Variants in UNC5C observed in about 807,000 individuals in gnomAD.
UNC5C encodes the protein unc-5 netrin receptor C.
Under a neutral mutation model 99.8 loss-of-function variants are expected in UNC5C, and 47 were observed. That is an observed-to-expected ratio of 0.47 (90% CI 0.37 to 0.60). UNC5C has a LOEUF of 0.60. Among genes scored for constraint, UNC5C ranks in the 20% least tolerant of loss-of-function variants. The pLI, the probability that UNC5C is intolerant of heterozygous loss-of-function variation, is 0.00. For missense variants in UNC5C, 1,062 were observed against 1,165.9 expected, an observed-to-expected ratio of 0.91 and a Z score of 1.30; for synonymous variants, 487 against 452.2, an observed-to-expected ratio of 1.08 and a Z score of -0.98.
At chr4:95,448,262 G>C (rs1007277007) in intron 1 of UNC5C, among the ~76,000 whole-genome samples, 15 of 145,760 alleles carry the variant, frequency 1.0e-4, no homozygotes, top group Non-Finnish European at 2.0e-4. Context: ...GAGAGAGAGA[G>C]AAAGCCTGAT....
At chr4:95,315,564 T>C (rs1343042217) in intron 2 of UNC5C, among the ~76,000 whole-genome samples, 1 of 152,220 alleles carries the variant, frequency 6.6e-6, no homozygotes, top group Non-Finnish European at 1.5e-5. Flanking sequence ...GTTTTGTTCT[T>C]CTTCCTTTAT....
chr4:95,544,720 A>G (rs1723013299), intron 1 of UNC5C, among the ~76,000 whole-genome samples: 1 of 152,212 alleles, frequency 6.6e-6, no homozygotes, highest in Admixed American at 6.5e-5. Context: ...ATTTGTGAGG[A>G]AATGTGAACA....
chr4:95,332,355 A>G (rs1743147991), intron 2 of UNC5C, among the ~76,000 whole-genome samples: 1 of 149,770 alleles, frequency 6.7e-6, no homozygotes, highest in Admixed American at 6.7e-5. Flanking sequence ...ACAGCATGGT[A>G]CTGGTACCAA....
intron 1 of UNC5C, among the ~76,000 whole-genome samples, chr4:95,480,856 T>C (rs1721128277): frequency 6.6e-6 from 1 of 151,768 alleles, no homozygotes; most frequent in Non-Finnish European, 1.5e-5. Context: ...ATGGGACGTA[T>C]CTCAAAATAA....
intron 13 of UNC5C, among the ~76,000 whole-genome samples, chr4:95,184,610 C>G (rs1442213430): frequency 6.6e-6 from 1 of 152,150 alleles, no homozygotes; most frequent in Non-Finnish European, 1.5e-5. Flanking sequence ...CTTTTACATG[C>G]TATTTCAGTT....
At chr4:95,197,688 G>A (rs1737486509) in intron 12 of UNC5C, among the ~76,000 whole-genome samples, 1 of 152,110 alleles carries the variant, frequency 6.6e-6, no homozygotes, top group Admixed American at 6.5e-5. Context: ...GTCAAGAAGA[G>A]CTAAATAAAA....
At chr4:95,285,342 A>G (rs1344526826) in intron 3 of UNC5C, among the ~76,000 whole-genome samples, 1 of 152,202 alleles carries the variant, frequency 6.6e-6, no homozygotes, top group Non-Finnish European at 1.5e-5. Flanking sequence ...AATTCCACAG[A>G]ATGATAAGAC....
rs867249983 is a variant in UNC5C at position 95,292,248 on chromosome 4, T to C, written c.490+9358A>G. Among the ~76,000 whole-genome samples the C allele has an allele frequency of 1.2e-3, 155 of 127,658 alleles. 1 individual carries two copies. Among genetic ancestry groups the C allele is most frequent in the African/African-American group, 4.9e-3 (127 of 25,954 alleles). The allele number at this position is 127,658 out of a possible 152,430, so 83.7% of individuals were successfully genotyped here. A position where few individuals can be genotyped will look rare whatever the true frequency, so the allele number is the denominator to read the frequency against. On this transcript the variant is annotated intron_variant, in intron 3 of 15. Coordinates refer to ENST00000453304, the MANE Select transcript of UNC5C (RefSeq NM_003728.4). ...ACACACACACACACATATATATATA[T>C]ATATATATATATATATATAAATTTT... is the stretch of plus-strand genomic sequence containing the variant.
intron 1 of UNC5C, among the ~76,000 whole-genome samples, chr4:95,442,260 T>C (rs2149463896): frequency 6.6e-6 from 1 of 152,010 alleles, no homozygotes; most frequent in African/African-American, 2.4e-5. Flanking sequence ...TGGAGTGCAG[T>C]GGTGTGATCA....
chr4:95,357,874 A>G (rs999753317), intron 1 of UNC5C, among the ~76,000 whole-genome samples: 2 of 143,292 alleles, frequency 1.4e-5, no homozygotes, highest in African/African-American at 5.5e-5. Context: ...ACAGTAAAGA[A>G]TGAATGTGTG....
chr4:95,490,115 A>C (rs1721439862), intron 1 of UNC5C, among the ~76,000 whole-genome samples: 1 of 151,592 alleles, frequency 6.6e-6, no homozygotes, highest in Admixed American at 6.6e-5. Context: ...GAAAGGAGAA[A>C]GAGACGGACA....
intron 12 of UNC5C, among the ~76,000 whole-genome samples, chr4:95,201,602 G>T (rs1737659297): frequency 6.6e-6 from 1 of 151,400 alleles, no homozygotes; most frequent in African/African-American, 2.4e-5. Context: ...TGCCTGCAGA[G>T]AGTCTTCTTT....
At chr4:95,190,479 T>TA (rs1560722433) in intron 12 of UNC5C, among the ~76,000 whole-genome samples, 1 of 151,264 alleles carries the variant, frequency 6.6e-6, no homozygotes, top group Non-Finnish European at 1.5e-5. Flanking sequence ...CCCGAGAACT[T>TA]AAAGTAGAAT....
intron 3 of UNC5C, among the ~76,000 whole-genome samples, chr4:95,284,118 T>A (rs1741152021): frequency 1.3e-5 from 2 of 151,878 alleles, no homozygotes; most frequent in South Asian, 4.1e-4. Flanking sequence ...TTTGATGCTT[T>A]CAGTGATTTT....
At chr4:95,459,502 A>G (rs1432186016) in intron 1 of UNC5C, among the ~76,000 whole-genome samples, 1 of 152,186 alleles carries the variant, frequency 6.6e-6, no homozygotes. Context: ...CATGTAATTG[A>G]CTGAGACTAT....
chr4:95,513,263 C>A (rs1200376641), intron 1 of UNC5C, among the ~76,000 whole-genome samples: 1 of 152,166 alleles, frequency 6.6e-6, no homozygotes, highest in Non-Finnish European at 1.5e-5. Flanking sequence ...TCTTTGTAAT[C>A]TATTTACATC....
intron 1 of UNC5C, among the ~76,000 whole-genome samples, chr4:95,381,161 GA>G (rs1212755332): frequency 6.6e-6 from 1 of 152,034 alleles, no homozygotes; most frequent in African/African-American, 2.4e-5. Context: ...CATCAAACAA[GA>G]AAAAAATTTC....
At chr4:95,481,682 C>A (rs557424961) in intron 1 of UNC5C, among the ~76,000 whole-genome samples, 2 of 152,060 alleles carry the variant, frequency 1.3e-5, no homozygotes, top group Non-Finnish European at 2.9e-5. Flanking sequence ...TGGAACAGAA[C>A]AGAGCCCTCA....
At chr4:95,178,744 T>C (rs994767763) in intron 14 of UNC5C, among the ~76,000 whole-genome samples, 1 of 152,174 alleles carries the variant, frequency 6.6e-6, no homozygotes, top group Non-Finnish European at 1.5e-5. Context: ...TGCTCACATA[T>C]TCATGTTGTC....
Sources: gnomAD v4.1 joint callset for allele counts (sites outside exome capture counted in the v4.1 genomes callset) on GRCh38, gnomAD v4.1.1 for gene constraint, MANE v1.5 for transcripts, NCBI Gene and HGNC (gene_info 2026-07-23, HGNC 2026-07-21) for gene names.